Variants in EDIL3 observed in about 807,000 individuals in gnomAD.
The protein encoded by EDIL3 is EGF like and discoidin domains 3.
Under a neutral mutation model 67.4 loss-of-function variants are expected in EDIL3, and 37 were observed. The ratio of observed to expected loss-of-function variants is 0.55; its 90% CI spans 0.42 to 0.72. EDIL3 has a LOEUF of 0.72. EDIL3 is among the 30% of genes least tolerant of loss of function. The probability of loss-of-function intolerance (pLI) is 0.00; values close to 1 mark genes in which losing one functional copy is unlikely to be tolerated. For missense variants in EDIL3, 527 were observed against 586.3 expected, an observed-to-expected ratio of 0.90 and a Z score of 1.04; for synonymous variants, 195 against 196.3, an observed-to-expected ratio of 0.99 and a Z score of 0.05.
chr5:84,262,659 GTTTTTTTTTTTTTTTT>G (rs773035274), intron 1 of EDIL3, among the ~76,000 whole-genome samples: 8 of 46,318 alleles, frequency 1.7e-4, no homozygotes, highest in East Asian at 8.7e-4. Flanking sequence ...AGGTTGGTTG[GTTTTTTTTTTTTTTTT>G]TTTTTTTTTT....
At position 84,055,794 on chromosome 5, in the gene EDIL3, CAA is replaced by C. The variant is rs1385771607; in HGVS notation, c.1137+4504_1137+4505del. Among the ~76,000 whole-genome samples the C allele has an allele frequency of 2.0e-5, 3 of 152,054 alleles. No individual in the cohort carries two copies. The East Asian group carries it at 5.8e-4, about 29-fold the overall frequency. On this transcript the variant is annotated intron_variant, in intron 9 of 10. Coordinates refer to ENST00000296591, the MANE Select transcript of EDIL3 (RefSeq NM_005711.5). ...CACACCAGTTAGAATGGCAATCATT[CAA>C]AAGTCAGGAAACAACAGGTGCTGGA...
chr5:84,225,764 TAAAAC>T (rs1744439524), intron 3 of EDIL3, among the ~76,000 whole-genome samples: 1 of 151,574 alleles, frequency 6.6e-6, no homozygotes, highest in African/African-American at 2.4e-5. Context: ...CCTATAGAAT[TAAAAC>T]AACCTAGATT....
intron 1 of EDIL3, among the ~76,000 whole-genome samples, chr5:84,370,539 C>T (rs189716140): frequency 1.2e-4 from 18 of 152,302 alleles, no homozygotes; most frequent in Admixed American, 7.9e-4. Context: ...CCACTAAGTA[C>T]TTTGTTTTTG....
At chr5:83,971,627 A>G (rs983441530) in intron 9 of EDIL3, among the ~76,000 whole-genome samples, 2 of 151,776 alleles carry the variant, frequency 1.3e-5, no homozygotes, top group African/African-American at 4.8e-5. Flanking sequence ...AAAAATCCCT[A>G]TTCTTTTCTT....
intron 9 of EDIL3, among the ~76,000 whole-genome samples, chr5:84,037,423 A>T (rs946831411): frequency 1.3e-5 from 2 of 152,214 alleles, no homozygotes; most frequent in Non-Finnish European, 2.9e-5. Context: ...TTTTGGAGAC[A>T]TAAAAAAGTA....
At chr5:84,174,410 T>C (rs1580360956) in intron 4 of EDIL3, among the ~76,000 whole-genome samples, 1 of 152,312 alleles carries the variant, frequency 6.6e-6, no homozygotes, top group East Asian at 1.9e-4. Flanking sequence ...CACTCTCATA[T>C]ATGGTAACAT....
chr5:84,141,926 CATATATATATATATATATATACAT>C (rs1748199808), intron 4 of EDIL3, among the ~76,000 whole-genome samples: 2 of 124,928 alleles, frequency 1.6e-5, no homozygotes, highest in African/African-American at 6.7e-5. Context: ...TATATATACA[CATATATATATATATATATATACAT>C]AGATCTATCT....
intron 9 of EDIL3, among the ~76,000 whole-genome samples, chr5:84,026,263 G>A (rs954335007): frequency 2.0e-5 from 3 of 152,150 alleles, no homozygotes; most frequent in African/African-American, 7.2e-5. Flanking sequence ...TGATCCCACA[G>A]ATATTTTAAA....
rs181529581 is a variant in EDIL3, at chr5:84,083,271, A to T, written c.652-16665T>A. Among the ~76,000 whole-genome samples, 192 of 152,180 alleles carry T rather than the reference A, an allele frequency of 1.3e-3. 1 individual carries two copies. Among genetic ancestry groups the T allele is most frequent in the African/African-American group, 4.4e-3 (183 of 41,512 alleles). On this transcript the variant is annotated intron_variant, in intron 6 of 10. Transcript: ENST00000296591. ...TGGGACTGGACTTACTGGGTTGGGG[A>T]CTTCTTAGGGATAACGGTGGTGCTA...
chr5:84,327,644 T>C (rs964735093), intron 1 of EDIL3, among the ~76,000 whole-genome samples: 8 of 151,964 alleles, frequency 5.3e-5, no homozygotes, highest in African/African-American at 1.9e-4. Flanking sequence ...TTGTGTATTT[T>C]ATTTTTTTCC....
At chr5:84,367,442 C>T (rs1747761733) in intron 1 of EDIL3, among the ~76,000 whole-genome samples, 1 of 152,084 alleles carries the variant, frequency 6.6e-6, no homozygotes, top group Admixed American at 6.5e-5. Flanking sequence ...ACCTCACTTC[C>T]TTAATATTTT....
chr5:83,943,409 T>A lies in EDIL3; in HGVS notation c.*10A>T. On this transcript the variant is annotated 3_prime_UTR_variant, in exon 11 of 11. Transcript: ENST00000296591. ...AAATAGGGAAGAGGGTTGTGAAATG[T>A]AGCCTCCCCTCATTCCTCCTCTGTG... 1.9e-6 allele frequency: 3 copies of A among 1,612,066 alleles called. No individual in the cohort carries two copies. In the South Asian group the frequency reaches 3.3e-5, roughly 18 times the overall value.
chr5:84,009,356 A>G (rs948016590), intron 9 of EDIL3, among the ~76,000 whole-genome samples: 4 of 152,196 alleles, frequency 2.6e-5, no homozygotes, highest in Non-Finnish European at 1.5e-5. Flanking sequence ...CCAAGAACAG[A>G]TGGAGCCGGT....
At chr5:84,245,020 G>A (rs1380987529) in intron 2 of EDIL3, among the ~76,000 whole-genome samples, 1 of 152,158 alleles carries the variant, frequency 6.6e-6, no homozygotes, top group Non-Finnish European at 1.5e-5. Context: ...CAAAGAGGAT[G>A]GGGACTGCTG....
chr5:84,356,889 CTTTTTTTT>C (rs1189590387), intron 1 of EDIL3, among the ~76,000 whole-genome samples: 337 of 32,102 alleles, frequency 0.01, 1 homozygote, highest in African/African-American at 0.033. Context: ...ATCTTTCTTT[CTTTTTTTT>C]TTTTTTTTTT....
In EDIL3 at chr5:84,033,648, G is replaced by A. The variant is rs370213413; in HGVS notation, c.1137+26652C>T. On this transcript the variant is annotated intron_variant, in intron 9 of 10. Coordinates refer to ENST00000296591, the MANE Select transcript of EDIL3 (RefSeq NM_005711.5). ...GGACCCAGGAGGCGGAGGTTGCAGTGAGCCAAGATCCTGCCATTGTACTCC... is the reference window on the plus strand; with the variant it reads ...GGACCCAGGAGGCGGAGGTTGCAGTAAGCCAAGATCCTGCCATTGTACTCC... Among the ~76,000 whole-genome samples, 4 of 145,118 alleles carry A rather than the reference G, an allele frequency of 2.8e-5. 1 individual carries two copies. In the East Asian group the frequency reaches 8.2e-4, roughly 30 times the overall value.
chr5:84,217,721 A>AACACACAC (rs61264723), intron 3 of EDIL3, among the ~76,000 whole-genome samples: 8,280 of 134,882 alleles, frequency 0.061, 301 homozygotes, highest in South Asian at 0.081. Flanking sequence ...TATACACACA[A>AACACACAC]ACACACACAC....
At chr5:84,344,177 C>T (rs1407320816) in intron 1 of EDIL3, among the ~76,000 whole-genome samples, 4 of 152,172 alleles carry the variant, frequency 2.6e-5, no homozygotes, top group Admixed American at 2.6e-4. Context: ...AAAATGCCCA[C>T]GGAACACCTG....
intron 9 of EDIL3, among the ~76,000 whole-genome samples, chr5:83,994,430 A>C (rs1745202742): frequency 4.9e-5 from 7 of 142,810 alleles, no homozygotes; most frequent in Admixed American, 2.8e-4. Context: ...TACTATGTAA[A>C]GGTTTTTATT....
Sources: gnomAD v4.1 joint callset for allele counts (sites outside exome capture counted in the v4.1 genomes callset) on GRCh38, gnomAD v4.1.1 for gene constraint, MANE v1.5 for transcripts, NCBI Gene and HGNC (gene_info 2026-07-23, HGNC 2026-07-21) for gene names.